Variants in AFF3 observed in about 807,000 individuals in gnomAD.
AFF3 encodes ALF transcription elongation factor 3.
Under a neutral mutation model 129.7 loss-of-function variants are expected in AFF3, and 32 were observed. The ratio of observed to expected loss-of-function variants is 0.25; its 90% CI spans 0.19 to 0.33. The LOEUF is 0.33. AFF3 is among the 10% of genes least tolerant of loss of function. AFF3 has a pLI of 1.00. For missense variants in AFF3, 1,373 were observed against 1,592.0 expected (o/e 0.86, Z 2.34); for synonymous variants, 644 against 635.4 (o/e 1.01, Z -0.20).
intron 13 of AFF3, among the ~76,000 whole-genome samples, chr2:99,628,328 T>C (rs1682791884): frequency 1.3e-5 from 2 of 152,154 alleles, no homozygotes; most frequent in Non-Finnish European, 2.9e-5. Flanking sequence ...GTGACAATTG[T>C]GAATGGGAGT....
intron 7 of AFF3, among the ~76,000 whole-genome samples, chr2:99,876,296 T>G (rs1030538549): frequency 6.6e-6 from 1 of 152,186 alleles, no homozygotes; most frequent in African/African-American, 2.4e-5. Context: ...CATTTGGATA[T>G]CTCACAGAAA....
chr2:99,896,620 C>A (rs979699494), intron 7 of AFF3, among the ~76,000 whole-genome samples: 2 of 36,074 alleles, frequency 5.5e-5, no homozygotes. Flanking sequence ...TGTCAAAATG[C>A]TTTTTTTTTT....
At chr2:99,890,999 C>T (rs1483045040) in intron 7 of AFF3, among the ~76,000 whole-genome samples, 1 of 152,192 alleles carries the variant, frequency 6.6e-6, no homozygotes, top group African/African-American at 2.4e-5. Context: ...TTGTTACACA[C>T]AGTTCCCAAT....
At chr2:99,553,480 G>A (rs529171347) in intron 24 of AFF3, among the ~76,000 whole-genome samples, 1 of 152,294 alleles carries the variant, frequency 6.6e-6, no homozygotes, top group South Asian at 2.1e-4. Context: ...ACCTGCTGCT[G>A]TAGGGCCAAT....
At chr2:99,917,945 G>A (rs1368549856) in intron 7 of AFF3, among the ~76,000 whole-genome samples, 12 of 151,882 alleles carry the variant, frequency 7.9e-5, no homozygotes, top group Admixed American at 4.6e-4. Flanking sequence ...AAAAATCCTA[G>A]GAAGAGAAAA....
At chr2:99,822,407 C>G (rs1274700248) in intron 8 of AFF3, among the ~76,000 whole-genome samples, 2 of 152,108 alleles carry the variant, frequency 1.3e-5, no homozygotes, top group Non-Finnish European at 2.9e-5. Context: ...AAATTTATTG[C>G]TGATCTCATT....
intron 8 of AFF3, among the ~76,000 whole-genome samples, chr2:99,767,732 C>A (rs992486864): frequency 4.6e-5 from 7 of 152,042 alleles, no homozygotes; most frequent in African/African-American, 1.7e-4. Context: ...CCGAGGCGGG[C>A]GGATCACGAG....
chr2:99,668,214 C>G (rs571490346), intron 12 of AFF3, among the ~76,000 whole-genome samples: 2 of 151,982 alleles, frequency 1.3e-5, no homozygotes, highest in Non-Finnish European at 2.9e-5. Flanking sequence ...TGCTGTCACC[C>G]GGGCTGGAGT....
intron 15 of AFF3, among the ~76,000 whole-genome samples, chr2:99,592,497 C>T (rs1198945849): frequency 6.6e-6 from 1 of 152,222 alleles, no homozygotes; most frequent in Admixed American, 6.5e-5. Context: ...CAATGTCACC[C>T]CATTCCTGCC....
chr2:99,610,384 T>C (rs1007292199), intron 13 of AFF3, among the ~76,000 whole-genome samples: 3 of 152,242 alleles, frequency 2.0e-5, no homozygotes, highest in African/African-American at 4.8e-5. Flanking sequence ...CACATAGTTA[T>C]GTGTTCTTTT....
At chr2:99,917,866 C>T (rs896310130) in intron 7 of AFF3, among the ~76,000 whole-genome samples, 5 of 151,958 alleles carry the variant, frequency 3.3e-5, no homozygotes, top group African/African-American at 9.7e-5. Flanking sequence ...ATCTGCCCTG[C>T]GAACAGTGCG....
intron 7 of AFF3, among the ~76,000 whole-genome samples, chr2:99,959,339 C>CAAAA (rs34083581): frequency 4.3e-4 from 29 of 66,870 alleles, no homozygotes; most frequent in Non-Finnish European, 4.7e-4. Flanking sequence ...AAGAGTCTGC[C>CAAAA]AAAAAAAAAA....
At chr2:99,649,561 C>T in intron 13 of AFF3, 65 bp downstream of exon 13, 1 of 1,524,170 alleles carries the variant, frequency 6.6e-7, no homozygotes, top group Non-Finnish European at 9.0e-7. Flanking sequence ...GAATTATATG[C>T]CACAATAAAT....
chr2:100,099,915 G>A (rs1446451436), intron 4 of AFF3, among the ~76,000 whole-genome samples: 2 of 149,608 alleles, frequency 1.3e-5, no homozygotes, highest in Non-Finnish European at 3.0e-5. Context: ...AGGGGTGGTG[G>A]GTGGCAGTGT....
chr2:99,911,775 AC>A, intron 7 of AFF3, among the ~76,000 whole-genome samples: 1 of 152,306 alleles, frequency 6.6e-6, no homozygotes, highest in Middle Eastern at 3.4e-3. Flanking sequence ...CAGACACAAA[AC>A]CCACTACCTG....
intron 16 of AFF3, among the ~76,000 whole-genome samples, chr2:99,586,641 G>A (rs563052521): frequency 6.6e-6 from 1 of 152,304 alleles, no homozygotes; most frequent in Admixed American, 6.5e-5. Flanking sequence ...GGGAGTCAGT[G>A]CTGGATGCGT....
chr2:100,118,579 T>G (rs1691819343), intron 2 of AFF3, among the ~76,000 whole-genome samples: 1 of 152,170 alleles, frequency 6.6e-6, no homozygotes, highest in African/African-American at 2.4e-5. Flanking sequence ...ATGTAACATT[T>G]ACCAAGGATA....
chr2:99,858,458 G>A (rs1487217893), intron 7 of AFF3, among the ~76,000 whole-genome samples: 1 of 152,030 alleles, frequency 6.6e-6, no homozygotes, highest in Admixed American at 6.6e-5. Flanking sequence ...GACTGAGGTG[G>A]GAGGACTGCC....
chr2:99,745,902 T>C (rs556033589), intron 9 of AFF3, among the ~76,000 whole-genome samples: 41 of 152,288 alleles, frequency 2.7e-4, no homozygotes, highest in Middle Eastern at 3.4e-3. Flanking sequence ...TATGTTCTTA[T>C]AAGTGGGAGT....
Sources: allele counts gnomAD v4.1 joint callset (sites outside exome capture counted in the v4.1 genomes callset), GRCh38; gene constraint gnomAD v4.1.1; transcripts MANE v1.5; gene names NCBI Gene and HGNC (gene_info 2026-07-23, HGNC 2026-07-21).